Variants in PARVA observed in about 807,000 individuals in gnomAD.
The protein encoded by PARVA is alpha-parvin.
PARVA carries 25 observed loss-of-function variants against 52.6 expected under a neutral mutation model. The observed-to-expected ratio is 0.48, with a 90% CI of 0.35 to 0.66. PARVA has a LOEUF of 0.66. Ranked by LOEUF, PARVA falls within the 30% of genes least tolerant of loss-of-function variation. The probability of loss-of-function intolerance (pLI) is 0.01; values close to 1 mark genes in which losing one functional copy is unlikely to be tolerated. For missense variants in PARVA, 373 were observed against 450.9 expected (o/e 0.83, Z 1.56); for synonymous variants, 185 against 179.1 (o/e 1.03, Z -0.26).
intron 1 of PARVA, among the ~76,000 whole-genome samples, chr11:12,430,129 T>C (rs1940296534): frequency 6.6e-6 from 1 of 152,154 alleles, no homozygotes; most frequent in Non-Finnish European, 1.5e-5. Flanking sequence ...TTCCAAGAAG[T>C]AAATACCCCC....
intron 1 of PARVA, among the ~76,000 whole-genome samples, chr11:12,405,430 T>C (rs1241025761): frequency 1.3e-5 from 2 of 152,180 alleles, no homozygotes; most frequent in African/African-American, 4.8e-5. Context: ...CCAGGAGTGT[T>C]GCCTCATGCC....
intron 1 of PARVA, among the ~76,000 whole-genome samples, chr11:12,441,803 GCT>G (rs1470326897): frequency 6.6e-6 from 1 of 152,172 alleles, no homozygotes; most frequent in Non-Finnish European, 1.5e-5. Context: ...GCTGCTGTTA[GCT>G]CTTTCATTTG....
rs185221394 is a variant in PARVA at position 12,522,586 on chromosome 11, T to C, written c.1042+4069T>C. ...GGCTGCCACCACCACACCCAGCTAA[T>C]TTTTGTATTTTTAGTAGAGACGGGG... On this transcript the variant is annotated intron_variant, in intron 12 of 12. Coordinates refer to ENST00000334956, the MANE Select transcript of PARVA (RefSeq NM_018222.5). Among the ~76,000 whole-genome samples the C allele has an allele frequency of 2.2e-3, 335 of 152,022 alleles. 3 individuals carry two copies. Among genetic ancestry groups the C allele is most frequent in the African/African-American group, 7.8e-3 (324 of 41,460 alleles).
intron 1 of PARVA, among the ~76,000 whole-genome samples, chr11:12,455,431 T>A (rs1940682122): frequency 6.6e-6 from 1 of 152,178 alleles, no homozygotes; most frequent in Admixed American, 6.5e-5. Flanking sequence ...AGCAATGTGT[T>A]ATATATTGTT....
chr11:12,521,518 T>G (rs78257693), intron 12 of PARVA, among the ~76,000 whole-genome samples: 3,715 of 152,278 alleles, frequency 0.024, 146 homozygotes, highest in African/African-American at 0.085. Context: ...CGCTATAAAA[T>G]AATGTGGTAG....
intron 6 of PARVA, among the ~76,000 whole-genome samples, chr11:12,505,757 T>A (rs886938361): frequency 1.3e-5 from 2 of 152,240 alleles, no homozygotes; most frequent in African/African-American, 2.4e-5. Flanking sequence ...GGTTCAAGCA[T>A]CTTCCTAGTG....
chr11:12,508,557 C>T lies in PARVA; in HGVS notation c.658-27C>T. On this transcript the variant is annotated intron_variant, in intron 6 of 12. Transcript: ENST00000334956. ...AAAGCATAGTTTTCTCTTCTCCTCC[C>T]AACCCCTTTCCCCACCCCCATTTCA... is the stretch of plus-strand genomic sequence containing the variant. 3 of 1,568,986 alleles carry T rather than the reference C, an allele frequency of 1.9e-6. No individual in the cohort carries two copies. The South Asian group carries it at 3.3e-5, about 17-fold the overall frequency.
chr11:12,435,936 C>T (rs1940381414), intron 1 of PARVA, among the ~76,000 whole-genome samples: 1 of 152,138 alleles, frequency 6.6e-6, no homozygotes, highest in Non-Finnish European at 1.5e-5. Context: ...GATTCACCTG[C>T]CTCAGCCTCC....
intron 1 of PARVA, among the ~76,000 whole-genome samples, chr11:12,462,913 C>T (rs1397260326): frequency 6.6e-6 from 1 of 152,148 alleles, no homozygotes; most frequent in Non-Finnish European, 1.5e-5. Flanking sequence ...TTGGGCTTTG[C>T]CTCCTGTCCA....
chr11:12,494,931 T>C (rs1941279328), intron 4 of PARVA, among the ~76,000 whole-genome samples: 1 of 152,238 alleles, frequency 6.6e-6, no homozygotes, highest in Admixed American at 6.5e-5. Flanking sequence ...ACCTAGCATT[T>C]TGGGCAGCCT....
rs920852588 is a variant in PARVA, at chr11:12,377,782, G to A, written c.135G>A (p.Glu45=). 37 of 1,499,018 alleles carry A rather than the reference G, an allele frequency of 2.5e-5. No homozygotes were observed. The highest frequency in any genetic ancestry group is 3.2e-5 in the Non-Finnish European group (36 of 1,126,954). 92.9% of individuals were successfully genotyped at this position (1,499,018 alleles called of 1,614,324 possible). Residue 45 remains glutamate, a splice_region_variant and synonymous_variant, in exon 1 of 13, where the codon GAG becomes GAA. Transcript: ENST00000334956. ...GTLARRKKAK[E]VSELQEEGMN... Reference sequence around the variant, plus strand: ...TGGCCCGGAGGAAGAAAGCCAAGGAGGGTGAGTGCGGCCAGGCCGGCCGGG... The same window carrying A: ...TGGCCCGGAGGAAGAAAGCCAAGGAAGGTGAGTGCGGCCAGGCCGGCCGGG...
At chr11:12,466,876 T>C (rs1203098897) in intron 1 of PARVA, among the ~76,000 whole-genome samples, 1 of 152,232 alleles carries the variant, frequency 6.6e-6, no homozygotes, top group Non-Finnish European at 1.5e-5. Flanking sequence ...TCTAGGTCTC[T>C]CGCCTTTTTG....
chr11:12,418,423 C>T (rs543717325), intron 1 of PARVA, among the ~76,000 whole-genome samples: 7 of 152,034 alleles, frequency 4.6e-5, no homozygotes, highest in African/African-American at 7.3e-5. Flanking sequence ...TTTGGGCTTG[C>T]GTTCTCTTTG....
rs1941744195 is a variant in PARVA, at chr11:12,529,341, G to C, written c.*1416G>C. ...AGGGAAGGGCGGAGGGGGGTGGGCAGTGACTAGGGGACGAGAAGCATGGGG... is the reference window on the plus strand; with the variant it reads ...AGGGAAGGGCGGAGGGGGGTGGGCACTGACTAGGGGACGAGAAGCATGGGG... On this transcript the variant is annotated 3_prime_UTR_variant, in exon 13 of 13. Transcript: ENST00000334956. 1 of 152,208 alleles carries C rather than the reference G, an allele frequency of 6.6e-6. No homozygotes were observed. The highest frequency in any genetic ancestry group is 2.1e-4 in the South Asian group (1 of 4,818). 9.4% of individuals were successfully genotyped at this position (152,208 alleles called of 1,614,324 possible). A position where few individuals can be genotyped will look rare whatever the true frequency, so the allele number is the denominator to read the frequency against.
intron 1 of PARVA, among the ~76,000 whole-genome samples, chr11:12,379,773 C>G (rs1939458875): frequency 6.6e-6 from 1 of 152,170 alleles, no homozygotes; most frequent in Admixed American, 6.5e-5. Context: ...CAAAAGTTTC[C>G]CCACATTGGT....
intron 6 of PARVA, among the ~76,000 whole-genome samples, chr11:12,508,081 G>T: frequency 8.6e-6 from 1 of 115,954 alleles, no homozygotes; most frequent in East Asian, 2.6e-4. Flanking sequence ...TTATTTAAAA[G>T]CTCCCATATT....
intron 4 of PARVA, among the ~76,000 whole-genome samples, chr11:12,482,934 GTA>G (rs1246179782): frequency 6.6e-6 from 1 of 152,222 alleles, no homozygotes; most frequent in African/African-American, 2.4e-5. Context: ...GCAGAGAGTT[GTA>G]TATGTTTCGT....
chr11:12,515,180 CT>C (rs1348331819), intron 10 of PARVA, among the ~76,000 whole-genome samples: 1 of 152,210 alleles, frequency 6.6e-6, no homozygotes, highest in Non-Finnish European at 1.5e-5. Context: ...TATTTTTCCT[CT>C]CTTTATACTT....
chr11:12,482,045 A>ACCAC (rs1314949294), intron 4 of PARVA, among the ~76,000 whole-genome samples: 4 of 151,488 alleles, frequency 2.6e-5, no homozygotes, highest in Admixed American at 6.6e-5. Flanking sequence ...GGTGCATGCT[A>ACCAC]CTTGCGAGGC....
Sources: allele counts gnomAD v4.1 joint callset (sites outside exome capture counted in the v4.1 genomes callset), GRCh38; gene constraint gnomAD v4.1.1; transcripts MANE v1.5; gene names NCBI Gene and HGNC (gene_info 2026-07-23, HGNC 2026-07-21).